The following GPC6 variants were observed in gnomAD, a reference collection of about 807,000 sequenced individuals.
GPC6 encodes glypican 6.
Under a neutral mutation model 55.2 loss-of-function variants are expected in GPC6, and 14 were observed. The observed-to-expected ratio is 0.25, with a 90% CI of 0.17 to 0.40. GPC6 has a LOEUF of 0.40. Among genes scored for constraint, GPC6 ranks in the 10% least tolerant of loss-of-function variants. The pLI is 1.00. For missense variants in GPC6, 641 were observed against 708.5 expected (o/e 0.90, Z 1.08); for synonymous variants, 278 against 259.6 (o/e 1.07, Z -0.68).
chr13:94,274,096 T>C (rs138751308), intron 4 of GPC6, among the ~76,000 whole-genome samples: 153 of 152,344 alleles, frequency 1.0e-3, no homozygotes, highest in African/African-American at 3.5e-3. Flanking sequence ...TATTATGTTT[T>C]TATGAAATAC....
intron 1 of GPC6, among the ~76,000 whole-genome samples, chr13:93,396,342 A>G (rs1251456494): frequency 6.6e-6 from 1 of 152,268 alleles, no homozygotes; most frequent in East Asian, 1.9e-4. Context: ...AGGTGGGCGG[A>G]TCATGAGGTT....
intron 4 of GPC6, among the ~76,000 whole-genome samples, chr13:94,042,089 G>A (rs923442522): frequency 3.3e-5 from 5 of 151,736 alleles, no homozygotes; most frequent in African/African-American, 7.3e-5. Context: ...TGCTACTGTC[G>A]TCATGATAGT....
intron 2 of GPC6, among the ~76,000 whole-genome samples, chr13:93,808,397 T>G (rs527549325): frequency 6.6e-6 from 1 of 152,198 alleles, no homozygotes. Flanking sequence ...AAAAATATCA[T>G]GTAAATTGTA....
At chr13:93,932,163 C>G (rs1878211111) in intron 3 of GPC6, among the ~76,000 whole-genome samples, 1 of 152,194 alleles carries the variant, frequency 6.6e-6, no homozygotes, top group South Asian at 2.1e-4. Flanking sequence ...TAATCTGCTG[C>G]TTAATCATAA....
chr13:93,639,928 C>T (rs1879842909), intron 2 of GPC6, among the ~76,000 whole-genome samples: 1 of 151,990 alleles, frequency 6.6e-6, no homozygotes, highest in Non-Finnish European at 1.5e-5. Context: ...GCTTTATCAC[C>T]AATAGAATTC....
chr13:94,167,162 A>C (rs1000223327), intron 4 of GPC6, among the ~76,000 whole-genome samples: 4 of 152,170 alleles, frequency 2.6e-5, no homozygotes, highest in Non-Finnish European at 4.4e-5. Context: ...AAGTCTTTCC[A>C]AATTTGGTTC....
At chr13:93,783,109 A>G (rs1463306020) in intron 2 of GPC6, among the ~76,000 whole-genome samples, 2 of 152,148 alleles carry the variant, frequency 1.3e-5, no homozygotes, top group Admixed American at 6.5e-5. Context: ...TGCTGAGGTT[A>G]ATGGCTTCCG....
chr13:93,444,612 A>C (rs1172828270), intron 1 of GPC6, among the ~76,000 whole-genome samples: 1 of 152,128 alleles, frequency 6.6e-6, no homozygotes, highest in Non-Finnish European at 1.5e-5. Context: ...ATCTCAAAAC[A>C]AACAACAACA....
chr13:93,781,050 G>A (rs1478247536), intron 2 of GPC6, among the ~76,000 whole-genome samples: 1 of 151,898 alleles, frequency 6.6e-6, no homozygotes, highest in South Asian at 2.1e-4. Context: ...GGCTGAGGCG[G>A]GTGGATCACA....
chr13:93,285,348 T>G (rs868681607), intron 1 of GPC6, among the ~76,000 whole-genome samples: 12 of 152,186 alleles, frequency 7.9e-5, no homozygotes, highest in Admixed American at 3.3e-4. Context: ...TGCAGACAGA[T>G]ACTCTTTTCT....
chr13:93,223,821 C>T (rs1407700026), upstream of GPC6, among the ~76,000 whole-genome samples: 5 of 152,032 alleles, frequency 3.3e-5, no homozygotes, highest in African/African-American at 1.2e-4. Flanking sequence ...CAATCCTTTC[C>T]TCAGAATCTA....
At chr13:93,947,438 GACAA>G (rs909836406) in intron 3 of GPC6, among the ~76,000 whole-genome samples, 7 of 152,108 alleles carry the variant, frequency 4.6e-5, no homozygotes, top group Non-Finnish European at 7.4e-5. Flanking sequence ...TAATTATAAA[GACAA>G]ACAAGATGAA....
Position 93,784,057 on chromosome 13 carries a change from C to T in GPC6, c.320-46097C>T, listed in dbSNP as rs552341308. On this transcript the variant is annotated intron_variant, in intron 2 of 8. Transcript: ENST00000377047. ...CTACAGAAGAAGGAGCATATCTATTCTTCACTGCAGTGTCCCTATGCCTAA... is the reference window on the plus strand; with the variant it reads ...CTACAGAAGAAGGAGCATATCTATTTTTCACTGCAGTGTCCCTATGCCTAA... Among the ~76,000 whole-genome samples, 6 of 152,268 alleles carry T rather than the reference C, an allele frequency of 3.9e-5. No individual in the cohort carries two copies. The South Asian group carries it at 1.2e-3, about 32-fold the overall frequency.
chr13:94,312,666 C>T (rs9645929), intron 6 of GPC6, among the ~76,000 whole-genome samples: 2,598 of 152,100 alleles, frequency 0.017, 38 homozygotes, highest in East Asian at 0.067. Context: ...ACTGATATTT[C>T]CCACCTTCCA....
chr13:93,818,468 G>A (rs1247066564), intron 2 of GPC6: 2 of 152,118 alleles, frequency 1.3e-5, no homozygotes, highest in African/African-American at 4.8e-5. Flanking sequence ...ATGCACCCTA[G>A]GTGGGCCGTG....
At chr13:93,609,840 G>T (rs1317196771) in intron 2 of GPC6, among the ~76,000 whole-genome samples, 1 of 152,116 alleles carries the variant, frequency 6.6e-6, no homozygotes, top group Admixed American at 6.5e-5. Flanking sequence ...AACACCTCAA[G>T]CTGGTTGTGG....
chr13:94,405,429 T>C lies in GPC6; in HGVS notation c.*2212T>C, dbSNP rs573838514. The C allele has an allele frequency of 6.6e-6, 1 of 152,348 alleles. No homozygotes were observed. Among genetic ancestry groups the C allele is most frequent in the East Asian group, 1.9e-4 (1 of 5,190 alleles). The allele number at this position is 152,348 out of a possible 1,614,324, so 9.4% of individuals were successfully genotyped here. A position where few individuals can be genotyped will look rare whatever the true frequency, so the allele number is the denominator to read the frequency against. On this transcript the variant is annotated 3_prime_UTR_variant, in exon 9 of 9. Coordinates refer to ENST00000377047, the MANE Select transcript of GPC6 (RefSeq NM_005708.5). Reference sequence around the variant, plus strand: ...TCTTTCTCCAATAATTAAGGTGCAATACAAATTAAATCAACCTTGATTTTC... The same window carrying C: ...TCTTTCTCCAATAATTAAGGTGCAACACAAATTAAATCAACCTTGATTTTC...
chr13:93,536,331 C>T (rs1476252418), intron 1 of GPC6, among the ~76,000 whole-genome samples: 1 of 152,160 alleles, frequency 6.6e-6, no homozygotes, highest in Non-Finnish European at 1.5e-5. Flanking sequence ...CATTATCCAT[C>T]TCTAGAACTT....
At chr13:93,860,639 C>G (rs910186965) in intron 3 of GPC6, among the ~76,000 whole-genome samples, 3 of 151,494 alleles carry the variant, frequency 2.0e-5, no homozygotes, top group Non-Finnish European at 4.4e-5. Flanking sequence ...GTATGATATT[C>G]TTATGTTTGC....
Sources: allele counts gnomAD v4.1 joint callset (sites outside exome capture counted in the v4.1 genomes callset), GRCh38; gene constraint gnomAD v4.1.1; transcripts MANE v1.5; gene names NCBI Gene and HGNC (gene_info 2026-07-23, HGNC 2026-07-21).